The following MSH5 variants were observed in gnomAD, a reference collection of about 807,000 sequenced individuals.
MSH5 encodes mutS homolog 5, also known as mutS protein homolog 5.
In MSH5, 78 loss-of-function variants were observed where a neutral mutation model predicts 107.7. The observed-to-expected ratio is 0.72, with a 90% CI of 0.60 to 0.87. The LOEUF is 0.87. Among genes scored for constraint, MSH5 ranks in the 40% least tolerant of loss-of-function variants. MSH5 has a pLI of 0.00. For missense variants in MSH5, 889 were observed against 1,046.6 expected, an observed-to-expected ratio of 0.85 and a Z score of 2.08; for synonymous variants, 326 against 399.5, an observed-to-expected ratio of 0.82 and a Z score of 2.19.
In MSH5 at chr6:31,758,925, A is replaced by G. The variant is rs971875864; in HGVS notation, c.1326+50A>G. On this transcript the variant is annotated intron_variant, in intron 15 of 24. Transcript: ENST00000375750. This position sits in a 1 kb window ranked among gnomAD's most constrained non-coding sequence, Gnocchi z 5.1. The stretch of plus-strand genomic sequence containing the variant: ...CCTTCAGATGTCTTTTGGGGGAGAT[A>G]TTAGGCTTATGAAAGACATACTGGT... The G allele has an allele frequency of 1.3e-6, 2 of 1,530,448 alleles. No individual in the cohort carries two copies. Among genetic ancestry groups the G allele is most frequent in the Non-Finnish European group, 1.8e-6 (2 of 1,104,650 alleles). The allele number at this position is 1,530,448 out of a possible 1,614,324, so 94.8% of individuals were successfully genotyped here. A position where few individuals can be genotyped will look rare whatever the true frequency, so the allele number is the denominator to read the frequency against.
intron 9 of MSH5, 148 bp downstream of exon 9, chr6:31,745,467 C>G (rs1002197613): frequency 3.2e-6 from 2 of 618,226 alleles, no homozygotes; most frequent in Non-Finnish European, 5.7e-6. Flanking sequence ...CCTATTTGTA[C>G]CCCCCGCCCC....
rs747428404 is a variant in MSH5, at chr6:31,758,658, C to T, written c.1216+38C>T. The T allele has an allele frequency of 5.6e-6, 9 of 1,611,466 alleles. No individual in the cohort carries two copies. The highest frequency in any genetic ancestry group is 7.6e-6 in the Non-Finnish European group (9 of 1,177,780). On this transcript the variant is annotated intron_variant, in intron 14 of 24. Transcript: ENST00000375750. The surrounding 1 kb of genome is among the most constrained non-coding windows in gnomAD (Gnocchi z 5.1). ...TGTGGATGGGCCTGTGAGCCCTGCG[C>T]AGTGATGGAGTACCATCCTTGGCAG...
rs777447655 is a variant in MSH5, at chr6:31,761,472, G to T, written c.2038G>T (p.Val680Leu). 1.2e-6 allele frequency: 2 copies of T among 1,612,782 alleles called. No homozygotes were observed. The highest frequency in any genetic ancestry group is 2.7e-5 in the African/African-American group (2 of 74,906). Reference protein sequence around the residue: ...IDEFGKGTNTVDGLALLAAVL... With the variant: ...IDEFGKGTNTLDGLALLAAVL... ...ATGCTAACCTCTGCCCTCTTTGCAG[G>T]TGGATGGGCTCGCGCTTCTGGCCGC... Residue 680 changes from valine to leucine, a missense_variant and splice_region_variant, in exon 22 of 25, where the codon GTG (valine) becomes TTG (leucine). By Grantham distance (32) the Val-to-Leu change is conservative. Coordinates refer to ENST00000375750, the MANE Select transcript of MSH5 (RefSeq NM_172166.4). The surrounding 1 kb of genome is among the most constrained non-coding windows in gnomAD (Gnocchi z 5.3).
intron 3 of MSH5, among the ~76,000 whole-genome samples, 158 bp from the exon 4 acceptor site, chr6:31,742,719 T>G (rs1206125241): frequency 6.6e-6 from 1 of 152,178 alleles, no homozygotes; most frequent in African/African-American, 2.4e-5. Context: ...TTTCTAAATC[T>G]CAACTTCTAC....
intron 10 of MSH5, among the ~76,000 whole-genome samples, chr6:31,750,381 T>C (rs1268717140): frequency 6.6e-6 from 1 of 152,134 alleles, no homozygotes; most frequent in Non-Finnish European, 1.5e-5. Flanking sequence ...CTAAAAGCTG[T>C]ACAGGCACCA....
intron 7 of MSH5, 41 bp from the exon 8 acceptor site, chr6:31,744,505 G>T (rs775239109): frequency 6.2e-7 from 1 of 1,610,100 alleles, no homozygotes; most frequent in Admixed American, 1.7e-5. Flanking sequence ...GTTGTGGAAC[G>T]AACTCAGACT....
In MSH5 at chr6:31,760,322, C is replaced by G; in HGVS notation, c.1812+106C>G. On this transcript the variant is annotated intron_variant, in intron 19 of 24. Coordinates refer to ENST00000375750, the MANE Select transcript of MSH5 (RefSeq NM_172166.4). This position sits in a 1 kb window ranked among gnomAD's most constrained non-coding sequence, Gnocchi z 5.6. ...TGCAGCTCTTCTCCCATTTTCTGAC[C>G]CCGCTCTTCATGAAAGGACCATCAC... The G allele has an allele frequency of 2.8e-6, 4 of 1,425,340 alleles. No individual in the cohort carries two copies. The highest frequency in any genetic ancestry group is 3.8e-6 in the Non-Finnish European group (4 of 1,063,428). 88.3% of individuals were successfully genotyped at this position (1,425,340 alleles called of 1,614,324 possible). A position where few individuals can be genotyped will look rare whatever the true frequency, so the allele number is the denominator to read the frequency against.
At position 31,740,474 on chromosome 6, in the gene MSH5, C is replaced by T. The variant is rs867437797; in HGVS notation, c.8C>T (p.Ser3Phe). 1.1e-5 allele frequency: 17 copies of T among 1,565,312 alleles called. No homozygotes were observed. The highest frequency in any genetic ancestry group is 1.4e-5 in the Non-Finnish European group (16 of 1,154,754). MA[S>F]LGANPRRTPQ... ...CGCAGAGCCTCCAAGCTCATGGCCT[C>T]CTTAGGAGCGAACCCAAGGAGGACA... The change falls in exon 2 of 25, where the codon TCC becomes TTC. Residue 3 changes from serine (S) to phenylalanine (F), a missense_variant. Ser to Phe is a radical substitution (Grantham distance 155, BLOSUM62 -2). Coordinates refer to ENST00000375750, the MANE Select transcript of MSH5 (RefSeq NM_172166.4). This position sits in a 1 kb window ranked among gnomAD's most constrained non-coding sequence, Gnocchi z 4.4.
In MSH5 at chr6:31,761,601, CT is replaced by C. The variant is rs747102509; in HGVS notation, c.2168del (p.Leu723ArgfsTer5). The part of the protein sequence containing the change: ...VQLQLLPQGP[L>X]VQYLTMETCE... ...GCTACAACTGCTGCCACAAGGGCCC[CT>C]GGTGCAGTATTTGGTGAGGAGACCA... is the stretch of plus-strand genomic sequence containing the variant. On this transcript the variant is annotated frameshift_variant, in exon 22 of 25. Coordinates refer to ENST00000375750, the MANE Select transcript of MSH5 (RefSeq NM_172166.4). LOFTEE classifies it high-confidence loss of function. This position sits in a 1 kb window ranked among gnomAD's most constrained non-coding sequence, Gnocchi z 5.3. 1.8e-5 allele frequency: 29 copies of C among 1,614,162 alleles called. No individual in the cohort carries two copies. Among genetic ancestry groups the C allele is most frequent in the Non-Finnish European group, 2.5e-5 (29 of 1,180,042 alleles).
intron 10 of MSH5, among the ~76,000 whole-genome samples, chr6:31,752,310 G>A (rs1228721082): frequency 6.6e-6 from 1 of 151,212 alleles, no homozygotes; most frequent in East Asian, 1.9e-4. Context: ...ACAGTGGCGG[G>A]TGCCTGTAAT....
Position 31,741,165 on chromosome 6 carries a change from C to G in MSH5, c.150C>G (p.Ile50Met). 2 of 1,612,894 alleles carry G rather than the reference C, an allele frequency of 1.2e-6. No homozygotes were observed. The highest frequency in any genetic ancestry group is 2.2e-5 in the South Asian group (2 of 91,068). ...EVEEEEELAEIHLCVLWNSGY... is the reference protein window; with the variant it reads ...EVEEEEELAEMHLCVLWNSGY... ...TTCCTTTCTTCCTTGCTGGACAGAT[C>G]CATCTGTGTGTGCTGTGGAATTCAG... is the stretch of plus-strand genomic sequence containing the variant. Residue 50 changes from isoleucine (I) to methionine (M), a missense_variant and splice_region_variant, in exon 3 of 25, where the codon ATC (isoleucine) becomes ATG (methionine). Ile to Met is a conservative substitution (Grantham distance 10). Around this residue, in one of 3 missense-constraint regions of MSH5, gnomAD observed 518 missense variants for 565.0 expected, o/e 0.92. Coordinates refer to ENST00000375750, the MANE Select transcript of MSH5 (RefSeq NM_172166.4).
Position 31,758,283 on chromosome 6 carries a change from T to C in MSH5, c.1133T>C (p.Ile378Thr), listed in dbSNP as rs774416976. 17 of 1,612,630 alleles carry C rather than the reference T, an allele frequency of 1.1e-5. No homozygotes were observed. The highest frequency in any genetic ancestry group is 1.3e-5 in the African/African-American group (1 of 74,846). The stretch of plus-strand genomic sequence containing the variant: ...GACCTGCACCATATCGCCAGCCTCA[T>C]TGGGAAAGTAGTGAGTAGAAGGAAA... ...SDDLHHIASLIGKVVDFEGSL... is the reference protein window; with the variant it reads ...SDDLHHIASLTGKVVDFEGSL... The change falls in exon 13 of 25, where the codon ATT becomes ACT. Residue 378 changes from isoleucine (I) to threonine (T), a missense_variant. Ile to Thr is a moderately conservative substitution (Grantham distance 89). Coordinates refer to ENST00000375750, the MANE Select transcript of MSH5 (RefSeq NM_172166.4). This position sits in a 1 kb window ranked among gnomAD's most constrained non-coding sequence, Gnocchi z 5.1.
At chr6:31,753,731 C>CTCTTTTTTTT (rs1292042696) in intron 12 of MSH5, 102 bp downstream of exon 12, 2 of 1,143,120 alleles carry the variant, frequency 1.7e-6, no homozygotes, top group African/African-American at 3.2e-5. Flanking sequence ...TTATTCTACC[C>CTCTTTTTTTT]TCTTTTTTTT....
rs1172040103 is a variant in MSH5, at chr6:31,761,324, G to A, written c.2037+62G>A. On this transcript the variant is annotated intron_variant, in intron 21 of 24. Transcript: ENST00000375750. This position sits in a 1 kb window ranked among gnomAD's most constrained non-coding sequence, Gnocchi z 5.3. ...GGGGAAAATGGAGGAGGATGAAGGA[G>A]CATGACAGTGAGGCTGGGCCTCTGG... is the stretch of plus-strand genomic sequence containing the variant. 3 of 1,605,930 alleles carry A rather than the reference G, an allele frequency of 1.9e-6. No individual in the cohort carries two copies. The Admixed American group carries it at 5.0e-5, about 27-fold the overall frequency.
intron 10 of MSH5, among the ~76,000 whole-genome samples, chr6:31,748,043 A>G (rs907073693): frequency 2.6e-5 from 4 of 152,070 alleles, no homozygotes; most frequent in African/African-American, 9.7e-5. Context: ...TGGCTATGTT[A>G]GCATGGTTAT....
chr6:31,748,318 A>G (rs1369021581), intron 10 of MSH5, among the ~76,000 whole-genome samples: 1 of 151,472 alleles, frequency 6.6e-6, no homozygotes, highest in Non-Finnish European at 1.5e-5. Flanking sequence ...CTGTCATTCC[A>G]AAACAGAGAT....
At position 31,758,051 on chromosome 6, in the gene MSH5, C is replaced by G; in HGVS notation, c.1015-114C>G. On this transcript the variant is annotated intron_variant, in intron 12 of 24. Transcript: ENST00000375750. The surrounding 1 kb of genome is among the most constrained non-coding windows in gnomAD (Gnocchi z 5.1). Reference sequence around the variant, plus strand: ...GTTTCTTTTTGCCTTTGAGATCTTCCCTCTTTGTTACTGTGATCTTCCCTA... The same window carrying G: ...GTTTCTTTTTGCCTTTGAGATCTTCGCTCTTTGTTACTGTGATCTTCCCTA... 1 of 1,323,330 alleles carries G rather than the reference C, an allele frequency of 7.6e-7. No individual in the cohort carries two copies. The highest frequency in any genetic ancestry group is 2.0e-5 in the Admixed American group (1 of 50,984). 82.0% of individuals were successfully genotyped at this position (1,323,330 alleles called of 1,614,324 possible).
chr6:31,758,086 G>T lies in MSH5; in HGVS notation c.1015-79G>T. 6.4e-7 allele frequency: 1 copy of T among 1,569,326 alleles called. No homozygotes were observed. The highest frequency in any genetic ancestry group is 2.2e-5 in the East Asian group (1 of 44,450). ...ACTGTGATCTTCCCTACTGGTCTTT[G>T]TTCTTCTGAGTCTGTCCCTATCACC... On this transcript the variant is annotated intron_variant, in intron 12 of 24. Transcript: ENST00000375750. The surrounding 1 kb of genome is among the most constrained non-coding windows in gnomAD (Gnocchi z 5.1).
chr6:31,761,789 T>A lies in MSH5; in HGVS notation c.2182-29T>A, dbSNP rs1811024909. Reference sequence around the variant, plus strand: ...TTCAGGACAGGAAGGAGGTGATTGATGATACACTGTCTTTTATTCTCTTTT... The same window carrying A: ...TTCAGGACAGGAAGGAGGTGATTGAAGATACACTGTCTTTTATTCTCTTTT... On this transcript the variant is annotated intron_variant, in intron 22 of 24. Transcript: ENST00000375750. The surrounding 1 kb of genome is among the most constrained non-coding windows in gnomAD (Gnocchi z 5.3). 2 of 1,613,104 alleles carry A rather than the reference T, an allele frequency of 1.2e-6. No individual in the cohort carries two copies. The highest frequency in any genetic ancestry group is 1.7e-6 in the Non-Finnish European group (2 of 1,180,020).
Sources: gnomAD v4.1 joint callset for allele counts (sites outside exome capture counted in the v4.1 genomes callset) on GRCh38, gnomAD v4.1.1 for gene constraint, gnomAD v4.1.1 regional missense constraint, Gnocchi (gnomAD v3.1) non-coding constraint, MANE v1.5 for transcripts, NCBI Gene and HGNC (gene_info 2026-07-23, HGNC 2026-07-21) for gene names.